EML1: variants seen among roughly 807,000 people sequenced by gnomAD.
EML1 encodes echinoderm microtubule-associated protein-like 1.
Under a neutral mutation model 110.4 loss-of-function variants are expected in EML1, and 27 were observed. The ratio of observed to expected loss-of-function variants is 0.24; its 90% CI spans 0.18 to 0.34. The LOEUF (loss-of-function observed/expected upper bound fraction) is 0.34, where lower values mean the gene tolerates loss of function less well. Among genes scored for constraint, EML1 ranks in the 10% least tolerant of loss-of-function variants. The pLI is 1.00. For missense variants in EML1, 741 were observed against 1,030.9 expected, an observed-to-expected ratio of 0.72 and a Z score of 3.85; for synonymous variants, 344 against 385.8, an observed-to-expected ratio of 0.89 and a Z score of 1.27.
chr14:99,869,644 GT>G (rs1180037101), intron 3 of EML1, among the ~76,000 whole-genome samples: 1 of 152,216 alleles, frequency 6.6e-6, no homozygotes, highest in Non-Finnish European at 1.5e-5. Flanking sequence ...TGGTTTAGAT[GT>G]TTGTCTCCTC....
chr14:99,838,537 C>T (rs928661095), intron 1 of EML1, among the ~76,000 whole-genome samples: 29 of 152,092 alleles, frequency 1.9e-4, no homozygotes, highest in African/African-American at 7.0e-4. Flanking sequence ...TCTTCTCTTC[C>T]CTTCTCCATC....
At chr14:99,911,887 T>C (rs1028335728) in intron 13 of EML1, among the ~76,000 whole-genome samples, 2 of 150,556 alleles carry the variant, frequency 1.3e-5, no homozygotes, top group African/African-American at 4.9e-5. Context: ...TTTTTCTTTT[T>C]CTTTTTTTCT....
chr14:99,755,767 G>A, intron 1 of EML1, among the ~76,000 whole-genome samples: 1 of 152,218 alleles, frequency 6.6e-6, no homozygotes, highest in Non-Finnish European at 1.5e-5. Context: ...AAGGGGCAGG[G>A]TGGGGAAACT....
chr14:99,917,990 A>G (rs2060063252), intron 16 of EML1, 141 bp downstream of exon 16: 4 of 814,550 alleles, frequency 4.9e-6, no homozygotes, highest in Non-Finnish European at 7.7e-6. Context: ...AATTAAGTTA[A>G]AAGCGAAACT....
chr14:99,875,472 G>C (rs570112706), intron 3 of EML1, among the ~76,000 whole-genome samples: 1 of 152,180 alleles, frequency 6.6e-6, no homozygotes, highest in Non-Finnish European at 1.5e-5. Flanking sequence ...CAGCCACCAG[G>C]TTGAGTGTTA....
At chr14:99,890,964 G>A (rs1039050968) in intron 4 of EML1, among the ~76,000 whole-genome samples, 6 of 152,154 alleles carry the variant, frequency 3.9e-5, no homozygotes, top group Non-Finnish European at 7.3e-5. Context: ...GTCATAAAAA[G>A]CACAACTTTG....
rs185443687 is a variant in EML1 at position 99,894,465 on chromosome 14, C to T, written c.548-164C>T. On this transcript the variant is annotated intron_variant, in intron 5 of 21. Coordinates refer to ENST00000262233, the MANE Select transcript of EML1 (RefSeq NM_004434.3). ...GCAAACAAGATGCAAACTTTTGTTT[C>T]AAACTGTTTATTTTTATGTTACTTT... 4.5e-6 allele frequency: 4 copies of T among 894,970 alleles called. No individual in the cohort carries two copies. In the African/African-American group the frequency reaches 6.9e-5, roughly 16 times the overall value. 55.4% of individuals were successfully genotyped at this position (894,970 alleles called of 1,614,324 possible).
intron 9 of EML1, chr14:99,907,371 G>A (rs1220374564): frequency 9.5e-6 from 4 of 420,340 alleles, no homozygotes; most frequent in African/African-American, 8.2e-5. Flanking sequence ...GGGAGGCTGG[G>A]GTAGGAGGAT....
Position 99,781,526 on chromosome 14 carries a change from C to T in EML1, c.-27+7513C>T, listed in dbSNP as rs1181681087. ...GCTGGGAGGATGGCTGCCAGCCCAA[C>T]CCAGGCTCACACCACCTCACCTGGA... On this transcript the variant is annotated intron_variant, in intron 1 of 22. Transcript: ENST00000327921. The surrounding 1 kb of genome is among the most constrained non-coding windows in gnomAD (Gnocchi z 4.2). Among the ~76,000 whole-genome samples the T allele has an allele frequency of 6.6e-6, 1 of 152,212 alleles. No individual in the cohort carries two copies. Among genetic ancestry groups the T allele is most frequent in the Non-Finnish European group, 1.5e-5 (1 of 68,036 alleles).
chr14:99,901,420 C>T (rs1054213777), intron 9 of EML1, among the ~76,000 whole-genome samples: 1 of 152,128 alleles, frequency 6.6e-6, no homozygotes, highest in African/African-American at 2.4e-5. Context: ...GATCCAGACC[C>T]CAAGGGAGAG....
intron 1 of EML1, among the ~76,000 whole-genome samples, chr14:99,824,807 A>G (rs534162847): frequency 3.7e-4 from 56 of 152,196 alleles, no homozygotes; most frequent in African/African-American, 1.0e-3. Context: ...TCCAGTGTCT[A>G]TTATTCCACT....
At chr14:99,838,061 A>C (rs1427416320) in intron 1 of EML1, among the ~76,000 whole-genome samples, 1 of 152,104 alleles carries the variant, frequency 6.6e-6, no homozygotes, top group Non-Finnish European at 1.5e-5. Context: ...TCAACCTTCC[A>C]AAGTGCTGGG....
chr14:99,853,813 G>A (rs1011661616), intron 2 of EML1, among the ~76,000 whole-genome samples: 3 of 151,982 alleles, frequency 2.0e-5, no homozygotes, highest in Admixed American at 6.5e-5. Flanking sequence ...GGGACTACAG[G>A]CACACGCCAC....
chr14:99,820,190 C>G (rs1409340251), intron 1 of EML1, among the ~76,000 whole-genome samples: 1 of 152,204 alleles, frequency 6.6e-6, no homozygotes, highest in Non-Finnish European at 1.5e-5. Flanking sequence ...CATATTTTTA[C>G]TTAAAGCTTT....
chr14:99,744,513 C>A (rs2057082160), intron 1 of EML1, among the ~76,000 whole-genome samples: 1 of 152,166 alleles, frequency 6.6e-6, no homozygotes, highest in African/African-American at 2.4e-5. Context: ...TGTCTGCACC[C>A]CTTTCATTGA....
chr14:99,821,934 C>T (rs1393929065), intron 1 of EML1, among the ~76,000 whole-genome samples: 2 of 152,196 alleles, frequency 1.3e-5, no homozygotes, highest in Admixed American at 6.5e-5. Context: ...CACTCCCTAT[C>T]AGGAGGGCAG....
chr14:99,909,520 A>C, intron 11 of EML1, 41 bp downstream of exon 11: 1 of 1,612,500 alleles, frequency 6.2e-7, no homozygotes, highest in Non-Finnish European at 8.5e-7. Flanking sequence ...TTTCTCTCGT[A>C]TATGTGATTG....
At chr14:99,864,929 A>C (rs1048112056) in intron 2 of EML1, among the ~76,000 whole-genome samples, 3 of 151,964 alleles carry the variant, frequency 2.0e-5, no homozygotes, top group Non-Finnish European at 4.4e-5. Flanking sequence ...TATGTTCTGT[A>C]AAACAGTGGT....
intron 1 of EML1, among the ~76,000 whole-genome samples, chr14:99,777,395 C>G (rs2057494728): frequency 6.6e-6 from 1 of 152,070 alleles, no homozygotes; most frequent in African/African-American, 2.4e-5. Context: ...TTTGGTATGT[C>G]TTTACCTTTC....
Sources: gnomAD v4.1 joint callset for allele counts (sites outside exome capture counted in the v4.1 genomes callset) on GRCh38, gnomAD v4.1.1 for gene constraint, Gnocchi (gnomAD v3.1) non-coding constraint, MANE v1.5 for transcripts, NCBI Gene and HGNC (gene_info 2026-07-23, HGNC 2026-07-21) for gene names.